Variants in SCAPER observed in about 807,000 individuals in gnomAD.
The protein encoded by SCAPER is S-phase cyclin A associated protein in the ER.
Under a neutral mutation model 182.2 loss-of-function variants are expected in SCAPER, and 98 were observed. The observed-to-expected ratio is 0.54, with a 90% confidence interval of 0.46 to 0.64. The LOEUF is 0.64. Ranked by LOEUF, SCAPER falls within the 30% of genes least tolerant of loss-of-function variation. The pLI is 0.00. For missense variants in SCAPER, 1,432 were observed against 1,690.0 expected (o/e 0.85, Z 2.68); for synonymous variants, 605 against 564.6 (o/e 1.07, Z -1.01).
chr15:76,783,805 A>G (rs1356834275), intron 8 of SCAPER, among the ~76,000 whole-genome samples: 1 of 152,182 alleles, frequency 6.6e-6, no homozygotes, highest in Non-Finnish European at 1.5e-5. Context: ...CTCAATAGAT[A>G]CAGAAAAGGC....
chr15:76,385,851 G>C (rs925864091), intron 27 of SCAPER, among the ~76,000 whole-genome samples: 4 of 152,204 alleles, frequency 2.6e-5, no homozygotes, highest in African/African-American at 7.2e-5. Flanking sequence ...GGGCTGGTGG[G>C]TGTATCAGTT....
intron 20 of SCAPER, among the ~76,000 whole-genome samples, chr15:76,689,154 CCT>C (rs903326511): frequency 6.6e-6 from 1 of 151,622 alleles, no homozygotes; most frequent in Non-Finnish European, 1.5e-5. Flanking sequence ...AGCCCAAATG[CCT>C]CTTTCTTAAA....
At chr15:76,401,545 C>G (rs2044456705) in intron 27 of SCAPER, among the ~76,000 whole-genome samples, 1 of 152,174 alleles carries the variant, frequency 6.6e-6, no homozygotes, top group Non-Finnish European at 1.5e-5. Context: ...ATCCTGTCCT[C>G]CCTCTCAAGC....
At chr15:76,545,640 G>A (rs2045211232) in intron 23 of SCAPER, among the ~76,000 whole-genome samples, 1 of 152,096 alleles carries the variant, frequency 6.6e-6, no homozygotes, top group Non-Finnish European at 1.5e-5. Context: ...TGATGCCTAG[G>A]GGAAGGGAAA....
chr15:76,780,824 A>G (rs978421448), intron 8 of SCAPER, among the ~76,000 whole-genome samples: 18 of 152,204 alleles, frequency 1.2e-4, no homozygotes, highest in African/African-American at 4.3e-4. Context: ...TAACAAACAC[A>G]AAGGAATAGC....
intron 20 of SCAPER, among the ~76,000 whole-genome samples, chr15:76,692,829 A>C (rs912871362): frequency 6.6e-6 from 1 of 152,042 alleles, no homozygotes; most frequent in South Asian, 2.1e-4. Context: ...ACATTAACAA[A>C]ATAAAAAATA....
At chr15:76,793,886 G>A (rs998982396) in intron 8 of SCAPER, among the ~76,000 whole-genome samples, 2 of 152,182 alleles carry the variant, frequency 1.3e-5, no homozygotes, top group African/African-American at 4.8e-5. Context: ...CAACCTGTGG[G>A]ATCTGACACT....
chr15:76,547,912 G>A, intron 23 of SCAPER, among the ~76,000 whole-genome samples: 1 of 151,934 alleles, frequency 6.6e-6, no homozygotes, highest in African/African-American at 2.4e-5. Context: ...TGAACTTTTA[G>A]AATCATTTTG....
intron 20 of SCAPER, among the ~76,000 whole-genome samples, chr15:76,689,083 A>G (rs191522353): frequency 6.6e-6 from 1 of 151,698 alleles, no homozygotes; most frequent in Admixed American, 6.6e-5. Flanking sequence ...CTCCTGACCT[A>G]GTGATCCGCC....
chr15:76,709,770 T>G (rs1381801980), intron 17 of SCAPER, among the ~76,000 whole-genome samples: 22 of 152,158 alleles, frequency 1.4e-4, no homozygotes, highest in Admixed American at 1.4e-3. Context: ...ATACCCCTCA[T>G]GAACATGCCC....
At chr15:76,893,352 T>C (rs1016725181) in intron 1 of SCAPER, among the ~76,000 whole-genome samples, 4 of 152,022 alleles carry the variant, frequency 2.6e-5, no homozygotes, top group Non-Finnish European at 5.9e-5. Context: ...TACATAATGA[T>C]AAAGGGGTAA....
At chr15:76,871,966 TA>T (rs1398177819) in intron 2 of SCAPER, among the ~76,000 whole-genome samples, 1 of 152,034 alleles carries the variant, frequency 6.6e-6, no homozygotes, top group Admixed American at 6.5e-5. Context: ...ACCTTTTCAT[TA>T]AAAATAAATA....
intron 23 of SCAPER, among the ~76,000 whole-genome samples, chr15:76,569,564 T>C (rs1402674644): frequency 4.6e-5 from 7 of 152,126 alleles, no homozygotes; most frequent in Admixed American, 6.6e-5. Context: ...TTGGGCATCA[T>C]TGGGCTTCTC....
At chr15:76,687,638 T>A (rs563750159) in intron 20 of SCAPER, among the ~76,000 whole-genome samples, 19 of 152,300 alleles carry the variant, frequency 1.2e-4, no homozygotes, top group African/African-American at 4.6e-4. Context: ...CCCCTTCTTG[T>A]GTCCAGGTGT....
At chr15:76,848,525 G>C (rs1388183568) in intron 4 of SCAPER, among the ~76,000 whole-genome samples, 1 of 150,646 alleles carries the variant, frequency 6.6e-6, no homozygotes, top group Non-Finnish European at 1.5e-5. Flanking sequence ...TAGTAGAGAT[G>C]GGGTTTCACC....
intron 8 of SCAPER, among the ~76,000 whole-genome samples, chr15:76,785,654 T>C (rs1437474661): frequency 2.0e-5 from 3 of 152,154 alleles, no homozygotes; most frequent in Non-Finnish European, 4.4e-5. Flanking sequence ...TAGACTGGAT[T>C]AAGAAAATGT....
intron 23 of SCAPER, among the ~76,000 whole-genome samples, chr15:76,531,987 C>T (rs1302402675): frequency 6.6e-6 from 1 of 152,170 alleles, no homozygotes; most frequent in East Asian, 1.9e-4. Context: ...TCTCCTACTC[C>T]CCACCAGGTA....
chr15:76,623,661 A>C (rs972431691), intron 21 of SCAPER, among the ~76,000 whole-genome samples: 1 of 152,152 alleles, frequency 6.6e-6, no homozygotes, highest in Non-Finnish European at 1.5e-5. Context: ...CTTATAGTAT[A>C]GTTTGAAATT....
intron 22 of SCAPER, among the ~76,000 whole-genome samples, chr15:76,592,495 A>G (rs1255524863): frequency 8.1e-6 from 1 of 122,830 alleles, no homozygotes; most frequent in African/African-American, 2.5e-5. Flanking sequence ...AATATTTACA[A>G]CCTGGTCCTT....
Sources: gnomAD v4.1 joint callset for allele counts (sites outside exome capture counted in the v4.1 genomes callset) on GRCh38, gnomAD v4.1.1 for gene constraint, MANE v1.5 for transcripts, NCBI Gene and HGNC (gene_info 2026-07-23, HGNC 2026-07-21) for gene names.